DMXL1: variants seen among roughly 807,000 people sequenced by gnomAD.
DMXL1 encodes Dmx like 1.
DMXL1 carries 99 observed loss-of-function variants against 319.2 expected under a neutral mutation model. The ratio of observed to expected loss-of-function variants is 0.31; its 90% CI spans 0.26 to 0.37. The LOEUF is 0.37. Among genes scored for constraint, DMXL1 ranks in the 10% least tolerant of loss-of-function variants. The pLI, the probability that DMXL1 is intolerant of heterozygous loss-of-function variation, is 1.00. For missense variants in DMXL1, 3,745 were observed against 3,595.6 expected (o/e 1.04, Z -1.06); for synonymous variants, 1,385 against 1,235.2 (o/e 1.12, Z -2.54).
intron 19 of DMXL1, among the ~76,000 whole-genome samples, chr5:119,153,070 G>A (rs1314772529): frequency 6.6e-6 from 1 of 151,598 alleles, no homozygotes; most frequent in Non-Finnish European, 1.5e-5. Flanking sequence ...TCCATTTCCT[G>A]GGTTCAACTG....
At chr5:119,209,372 G>A (rs796434226) in intron 34 of DMXL1, among the ~76,000 whole-genome samples, 6 of 148,440 alleles carry the variant, frequency 4.0e-5, no homozygotes, top group African/African-American at 1.5e-4. Context: ...TTTTTAAAAG[G>A]CAGGGTCTCA....
rs769895119 is a variant in DMXL1 at position 119,129,201 on chromosome 5, T to C, written c.1103-10T>C. 3 of 1,516,460 alleles carry C rather than the reference T, an allele frequency of 2.0e-6. No individual in the cohort carries two copies. The highest frequency in any genetic ancestry group is 2.6e-5 in the South Asian group (2 of 76,506). The allele number at this position is 1,516,460 out of a possible 1,614,324, so 93.9% of individuals were successfully genotyped here. A position where few individuals can be genotyped will look rare whatever the true frequency, so the allele number is the denominator to read the frequency against. On this transcript the variant is annotated splice_polypyrimidine_tract_variant and intron_variant, in intron 9 of 43. Coordinates refer to ENST00000539542, the MANE Select transcript of DMXL1 (RefSeq NM_001290321.3). ...AAAAATTTTAATTTTATCTTTTTTT[T>C]CTCTTATAGACATTCCACTTCTTCC...
intron 23 of DMXL1, 141 bp downstream of exon 23, chr5:119,168,005 GT>G (rs1198969546): frequency 1.8e-5 from 13 of 727,978 alleles, no homozygotes; most frequent in Middle Eastern, 4.0e-4. Context: ...TGGTTGTTTG[GT>G]TTTTTTCTCC....
chr5:119,122,578 TTC>T (rs1762419075), intron 9 of DMXL1, among the ~76,000 whole-genome samples: 1 of 146,358 alleles, frequency 6.8e-6, no homozygotes, highest in South Asian at 2.2e-4. Context: ...GGCTCCTCAC[TTC>T]TCTGACGGGT....
intron 1 of DMXL1, among the ~76,000 whole-genome samples, chr5:119,092,953 G>A (rs902944622): frequency 2.0e-5 from 3 of 152,192 alleles, no homozygotes; most frequent in Admixed American, 2.0e-4. Context: ...ATGCTGGTAT[G>A]AACATTGATG....
In DMXL1 at chr5:119,097,898, A is replaced by G; in HGVS notation, c.88-81A>G. The G allele has an allele frequency of 4.9e-6, 6 of 1,233,100 alleles. No individual in the cohort carries two copies. In the South Asian group the frequency reaches 7.3e-5, roughly 15 times the overall value. 76.4% of individuals were successfully genotyped at this position (1,233,100 alleles called of 1,614,324 possible). A position where few individuals can be genotyped will look rare whatever the true frequency, so the allele number is the denominator to read the frequency against. ...AAAACATTTATTCTCCCTGCCTTAA[A>G]ACATGATAGTTAATACTAGTATTCT... On this transcript the variant is annotated intron_variant, in intron 1 of 43. Transcript: ENST00000539542.
chr5:119,200,496 A>C (rs1236477882), intron 32 of DMXL1, among the ~76,000 whole-genome samples: 1 of 152,110 alleles, frequency 6.6e-6, no homozygotes, highest in Non-Finnish European at 1.5e-5. Flanking sequence ...ATACATCGAA[A>C]TCAGGTAATG....
intron 13 of DMXL1, among the ~76,000 whole-genome samples, chr5:119,142,535 AAAAG>A (rs1183084581): frequency 1.3e-5 from 2 of 151,344 alleles, no homozygotes; most frequent in Non-Finnish European, 2.9e-5. Flanking sequence ...AAAAAAAAAA[AAAAG>A]ATGCTGATGA....
At chr5:119,221,143 T>C in intron 37 of DMXL1, 62 bp downstream of exon 37, 1 of 1,230,386 alleles carries the variant, frequency 8.1e-7, no homozygotes, top group Non-Finnish European at 1.1e-6. Context: ...TCTAGGTTAA[T>C]GGATAAAGGA....
Position 119,197,572 on chromosome 5 carries a change from C to T in DMXL1, c.7544-183C>T, listed in dbSNP as rs145472588. 3.3e-5 allele frequency among the ~76,000 whole-genome samples: 5 copies of T among 152,184 alleles called. No homozygotes were observed. In the East Asian group the frequency reaches 9.6e-4, roughly 29 times the overall value. On this transcript the variant is annotated intron_variant, in intron 31 of 43. Coordinates refer to ENST00000539542, the MANE Select transcript of DMXL1 (RefSeq NM_001290321.3). Reference sequence around the variant, plus strand: ...AGATTTATGGCATACCTTTTGTAATCCACTGGGTTTCTTTGCCCACCTCAC... The same window carrying T: ...AGATTTATGGCATACCTTTTGTAATTCACTGGGTTTCTTTGCCCACCTCAC...
At chr5:119,123,196 G>C (rs1028386028) in intron 9 of DMXL1, among the ~76,000 whole-genome samples, 11 of 151,896 alleles carry the variant, frequency 7.2e-5, no homozygotes, top group East Asian at 1.9e-4. Flanking sequence ...GCAGGCACTC[G>C]GCAGGCTGAG....
chr5:119,125,035 A>G (rs888819399), intron 9 of DMXL1, among the ~76,000 whole-genome samples: 53 of 152,182 alleles, frequency 3.5e-4, no homozygotes, highest in Non-Finnish European at 6.8e-4. Context: ...ATGACCTAGG[A>G]CATATAATTT....
chr5:119,086,911 C>T (rs959906626), intron 1 of DMXL1, among the ~76,000 whole-genome samples: 29 of 151,976 alleles, frequency 1.9e-4, no homozygotes, highest in Admixed American at 1.4e-3. Flanking sequence ...TTTTCTATTT[C>T]CTTATGGTTC....
chr5:119,103,640 T>C (rs1037225938), intron 3 of DMXL1, among the ~76,000 whole-genome samples: 20 of 152,248 alleles, frequency 1.3e-4, no homozygotes, highest in African/African-American at 4.3e-4. Context: ...TGATTTCTAT[T>C]TGTTTTTATA....
At chr5:119,195,829 T>C (rs1464439612) in intron 30 of DMXL1, among the ~76,000 whole-genome samples, 3 of 152,208 alleles carry the variant, frequency 2.0e-5, no homozygotes, top group African/African-American at 7.2e-5. Flanking sequence ...TTTTTAAAAA[T>C]CAAACTATAT....
chr5:119,078,137 C>A (rs992045325), intron 1 of DMXL1, among the ~76,000 whole-genome samples: 2 of 151,988 alleles, frequency 1.3e-5, no homozygotes, highest in Non-Finnish European at 2.9e-5. Context: ...CATTCTGTTT[C>A]ATTTATTTAT....
chr5:119,121,233 A>G (rs1253101325), intron 9 of DMXL1, 94 bp downstream of exon 9: 2 of 1,043,040 alleles, frequency 1.9e-6, no homozygotes, highest in Non-Finnish European at 2.6e-6. Context: ...TAAGTAAAAT[A>G]TTGGAGGTGA....
chr5:119,078,290 CT>C (rs1001462378), intron 1 of DMXL1, among the ~76,000 whole-genome samples: 2 of 151,982 alleles, frequency 1.3e-5, no homozygotes, highest in African/African-American at 4.8e-5. Context: ...CATATTTTCA[CT>C]TTTATTTTCA....
chr5:119,108,585 T>C (rs1758868233), intron 4 of DMXL1, among the ~76,000 whole-genome samples: 1 of 151,926 alleles, frequency 6.6e-6, no homozygotes, highest in Non-Finnish European at 1.5e-5. Context: ...CTAACTAATT[T>C]TTGTAATTTT....
Sources: allele counts gnomAD v4.1 joint callset (sites outside exome capture counted in the v4.1 genomes callset), GRCh38; gene constraint gnomAD v4.1.1; transcripts MANE v1.5; gene names NCBI Gene and HGNC (gene_info 2026-07-23, HGNC 2026-07-21).